EEA1: variants seen among roughly 807,000 people sequenced by gnomAD.
EEA1 encodes the protein early endosome antigen 1, 162kD.
In EEA1, 111 loss-of-function variants were observed where a neutral mutation model predicts 209.2. That is an observed-to-expected ratio of 0.53 (90% CI 0.45 to 0.62). The LOEUF (loss-of-function observed/expected upper bound fraction) is 0.62, where lower values mean the gene tolerates loss of function less well. Among genes scored for constraint, EEA1 ranks in the 20% least tolerant of loss-of-function variants. The probability of loss-of-function intolerance (pLI) is 0.00; values close to 1 mark genes in which losing one functional copy is unlikely to be tolerated. For missense variants in EEA1, 1,343 were observed against 1,530.8 expected (o/e 0.88, Z 2.05); for synonymous variants, 536 against 540.6 (o/e 0.99, Z 0.12).
intron 21 of EEA1, among the ~76,000 whole-genome samples, chr12:92,798,170 T>C (rs1358661237): frequency 3.3e-5 from 5 of 152,196 alleles, no homozygotes; most frequent in African/African-American, 1.2e-4. Context: ...TAACTTAAAA[T>C]ATTAATAATT....
chr12:92,877,904 G>A (rs189640368), intron 2 of EEA1, among the ~76,000 whole-genome samples: 48 of 152,314 alleles, frequency 3.2e-4, no homozygotes, highest in African/African-American at 1.2e-3. Context: ...GGAAGCCAAT[G>A]AATTTTCTTT....
Position 92,799,026 on chromosome 12 carries a change from T to C in EEA1, c.2833A>G (p.Asn945Asp). 2.5e-6 allele frequency: 4 copies of C among 1,613,152 alleles called. No homozygotes were observed. The highest frequency in any genetic ancestry group is 3.4e-6 in the Non-Finnish European group (4 of 1,179,660). The change falls in exon 21 of 29, where the codon AAT (asparagine) becomes GAT (aspartate). Residue 945 changes from asparagine to aspartate, a missense_variant. Physicochemically the swap from Asn to Asp is conservative, Grantham distance 23. Coordinates refer to ENST00000322349, the MANE Select transcript of EEA1 (RefSeq NM_003566.4). ...SMQEQLIQAQNTLKQNEKEEQ... is the reference protein window; with the variant it reads ...SMQEQLIQAQDTLKQNEKEEQ... ...TCTTTTTCATTTTGTTTTAAAGTAT[T>C]CTGGGCCTGTATAAGTTGTTCCTGC...
At chr12:92,887,183 A>C (rs1741036854) in intron 2 of EEA1, among the ~76,000 whole-genome samples, 1 of 151,982 alleles carries the variant, frequency 6.6e-6, no homozygotes, top group Admixed American at 6.5e-5. Context: ...AACAAAAAAA[A>C]AGGATATAAA....
At chr12:92,844,776 T>A (rs1877321612) in intron 9 of EEA1, among the ~76,000 whole-genome samples, 1 of 151,998 alleles carries the variant, frequency 6.6e-6, no homozygotes, top group African/African-American at 2.4e-5. Context: ...ATCAAAAAAA[T>A]TTGCACAGGT....
At chr12:92,789,138 A>C (rs1358166790) in intron 21 of EEA1, among the ~76,000 whole-genome samples, 2 of 151,966 alleles carry the variant, frequency 1.3e-5, no homozygotes, top group Non-Finnish European at 2.9e-5. Flanking sequence ...AAAAATACAA[A>C]AATTAGCTGG....
intron 2 of EEA1, among the ~76,000 whole-genome samples, chr12:92,866,515 G>T (rs1435883579): frequency 6.6e-6 from 1 of 151,472 alleles, no homozygotes; most frequent in Non-Finnish European, 1.5e-5. Flanking sequence ...ATATAAGAAT[G>T]GTCATCCTCT....
Position 92,852,873 on chromosome 12 carries a change from A to C in EEA1, c.520+39T>G, listed in dbSNP as rs1451861583. The C allele has an allele frequency of 3.5e-6, 5 of 1,430,614 alleles. No individual in the cohort carries two copies. The East Asian group carries it at 9.1e-5, about 26-fold the overall frequency. The allele number at this position is 1,430,614 out of a possible 1,614,324, so 88.6% of individuals were successfully genotyped here. On this transcript the variant is annotated intron_variant, in intron 7 of 28. Coordinates refer to ENST00000322349, the MANE Select transcript of EEA1 (RefSeq NM_003566.4). ...GGTATATAATGGCAAAAAGGTAATG[A>C]GATTGATTTATTGGCTAAAAAATTC...
chr12:92,785,089 T>TAGAG (rs36061368), intron 22 of EEA1, among the ~76,000 whole-genome samples: 42,775 of 151,312 alleles, frequency 0.28, 6,462 homozygotes, highest in Non-Finnish European at 0.32. Context: ...TGAAATGATA[T>TAGAG]AGAGTACTAG....
chr12:92,927,730 G>C (rs746717088), intron 1 of EEA1, among the ~76,000 whole-genome samples: 1 of 152,210 alleles, frequency 6.6e-6, no homozygotes, highest in South Asian at 2.1e-4. Context: ...ATCATGCACA[G>C]ATGTCTTTAC....
At chr12:92,870,410 C>G (rs1203682536) in intron 2 of EEA1, among the ~76,000 whole-genome samples, 2 of 152,242 alleles carry the variant, frequency 1.3e-5, no homozygotes, top group East Asian at 3.9e-4. Context: ...TTCTTTTCAG[C>G]CTGAAAATGG....
intron 13 of EEA1, among the ~76,000 whole-genome samples, chr12:92,824,920 C>A (rs1876223560): frequency 6.6e-6 from 1 of 152,156 alleles, no homozygotes; most frequent in African/African-American, 2.4e-5. Flanking sequence ...TTTTGACTAA[C>A]TGAATAAAGA....
intron 13 of EEA1, among the ~76,000 whole-genome samples, 194 bp from the exon 14 acceptor site, chr12:92,819,705 A>G (rs1793368575): frequency 6.6e-6 from 1 of 152,170 alleles, no homozygotes. Flanking sequence ...CTATATCATT[A>G]TAAGCTAGAA....
At chr12:92,917,254 A>G (rs1370880288) in intron 1 of EEA1, among the ~76,000 whole-genome samples, 1 of 126,404 alleles carries the variant, frequency 7.9e-6, no homozygotes, top group Non-Finnish European at 1.7e-5. Context: ...CGCCACAAAG[A>G]TACTCCTCGA....
intron 1 of EEA1, among the ~76,000 whole-genome samples, chr12:92,923,710 G>A (rs1362704241): frequency 1.3e-5 from 2 of 150,756 alleles, no homozygotes; most frequent in East Asian, 3.9e-4. Flanking sequence ...TTATTTATCT[G>A]TCTCCTCCAT....
intron 1 of EEA1, among the ~76,000 whole-genome samples, chr12:92,903,677 G>C (rs1356674831): frequency 6.6e-6 from 1 of 150,874 alleles, no homozygotes; most frequent in East Asian, 1.9e-4. Flanking sequence ...AAAACAAAAA[G>C]AAAGAAAAGA....
At chr12:92,822,499 C>T (rs1011464137) in intron 13 of EEA1, among the ~76,000 whole-genome samples, 1 of 152,052 alleles carries the variant, frequency 6.6e-6, no homozygotes, top group Non-Finnish European at 1.5e-5. Flanking sequence ...TGAGCATCGC[C>T]ACCACACAAA....
chr12:92,804,065 T>C (rs1033665775), intron 18 of EEA1, among the ~76,000 whole-genome samples: 20 of 152,058 alleles, frequency 1.3e-4, no homozygotes, highest in African/African-American at 4.6e-4. Flanking sequence ...TTTTAGAAAC[T>C]GATAGAACAA....
At chr12:92,797,456 C>A (rs1275953281) in intron 21 of EEA1, among the ~76,000 whole-genome samples, 2 of 152,114 alleles carry the variant, frequency 1.3e-5, no homozygotes, top group Non-Finnish European at 2.9e-5. Context: ...ATATTTTCAA[C>A]TCCAACTGCA....
chr12:92,784,662 T>C (rs1874049911), intron 22 of EEA1, among the ~76,000 whole-genome samples: 2 of 152,326 alleles, frequency 1.3e-5, no homozygotes, highest in South Asian at 4.1e-4. Flanking sequence ...TGCCAAGACA[T>C]GTTTTCCCCT....
Sources: gnomAD v4.1 joint callset for allele counts (sites outside exome capture counted in the v4.1 genomes callset) on GRCh38, gnomAD v4.1.1 for gene constraint, MANE v1.5 for transcripts, NCBI Gene and HGNC (gene_info 2026-07-23, HGNC 2026-07-21) for gene names.